REPS2: variants seen among roughly 807,000 people sequenced by gnomAD.
REPS2 encodes the protein RALBP1 associated Eps domain containing 2.
In REPS2, 23 loss-of-function variants were observed where a neutral mutation model predicts 53.6. That is an observed-to-expected ratio of 0.43 (90% confidence interval 0.31 to 0.61). The LOEUF (loss-of-function observed/expected upper bound fraction) is 0.61. REPS2 is among the 20% of genes least tolerant of loss of function. The pLI is 0.11. For missense variants in REPS2, 446 were observed against 534.9 expected (o/e 0.83, Z 1.64); for synonymous variants, 238 against 218.6 (o/e 1.09, Z -0.78).
intron 13 of REPS2, among the ~76,000 whole-genome samples, chrX:17,099,435 G>A (rs760063426): frequency 3.6e-5 from 4 of 111,457 alleles, no homozygotes; most frequent in Non-Finnish European, 7.5e-5. Flanking sequence ...TGTGCGTTGC[G>A]GAGATGCTCT....
At chrX:17,084,385 C>T (rs1207716558) in intron 13 of REPS2, among the ~76,000 whole-genome samples, 3 of 112,080 alleles carry the variant, frequency 2.7e-5, no homozygotes, top group African/African-American at 9.7e-5. Context: ...TTTGTGTAAA[C>T]ATATTTTTTC....
intron 5 of REPS2, among the ~76,000 whole-genome samples, chrX:17,041,050 T>C (rs968597999): frequency 1.8e-5 from 2 of 111,668 alleles, no homozygotes; most frequent in African/African-American, 6.5e-5. Context: ...TTCTCACTAA[T>C]ATAATAGTTT....
chrX:17,109,118 C>T (rs2062924922), intron 14 of REPS2, among the ~76,000 whole-genome samples: 1 of 111,062 alleles, frequency 9.0e-6, no homozygotes, highest in Admixed American at 9.6e-5. Flanking sequence ...GCCTCCTGCT[C>T]ACTTCCAGTT....
intron 14 of REPS2, among the ~76,000 whole-genome samples, chrX:17,126,030 G>C (rs1055789389): frequency 2.7e-5 from 3 of 112,212 alleles, no homozygotes; most frequent in African/African-American, 9.7e-5. Context: ...ACTGGAATCT[G>C]AGACATACTG....
chrX:16,985,524 C>A (rs1222032287), intron 1 of REPS2, among the ~76,000 whole-genome samples: 1 of 112,295 alleles, frequency 8.9e-6, no homozygotes, highest in Non-Finnish European at 1.9e-5. Context: ...CTTTTCCTGG[C>A]TTTATCTGTT....
chrX:17,050,155 T>C (rs1448470915), intron 6 of REPS2, among the ~76,000 whole-genome samples: 6 of 37,655 alleles, frequency 1.6e-4, no homozygotes, highest in African/African-American at 8.7e-4. Context: ...TCTTTCTTTC[T>C]TTCTTTCTTT....
At chrX:17,184,965 G>C in the REPS2 span, among the ~76,000 whole-genome samples, 1 of 111,192 alleles carries the variant, frequency 9.0e-6, no homozygotes, top group Non-Finnish European at 1.9e-5. Flanking sequence ...CAGTTTTATT[G>C]TGTAACAGAC....
intron 17 of REPS2, among the ~76,000 whole-genome samples, chrX:17,140,308 A>T (rs1569199850): frequency 2.7e-5 from 3 of 110,760 alleles, no homozygotes; most frequent in African/African-American, 9.9e-5. Flanking sequence ...AATGGCTTTT[A>T]TAACTGGTTT....
the REPS2 span, among the ~76,000 whole-genome samples, chrX:17,184,454 G>C: frequency 9.4e-6 from 1 of 106,007 alleles, no homozygotes; most frequent in African/African-American, 3.5e-5. Flanking sequence ...TTGGTTCCAA[G>C]TCTTTGCTAT....
At chrX:17,039,150 T>A (rs2061800905) in intron 5 of REPS2, among the ~76,000 whole-genome samples, 1 of 111,627 alleles carries the variant, frequency 9.0e-6, no homozygotes, top group Admixed American at 9.5e-5. Flanking sequence ...TTAATGGAAG[T>A]CTGCAGCCTT....
the REPS2 span, among the ~76,000 whole-genome samples, chrX:17,170,769 G>A: frequency 5.3e-5 from 6 of 112,781 alleles, no homozygotes; most frequent in African/African-American, 1.6e-4. Context: ...GGGAAATTCA[G>A]TGCCTGTCCA....
In REPS2 at chrX:17,101,275, G is replaced by A. The variant is rs771615458; in HGVS notation, c.1517-2443G>A. Among the ~76,000 whole-genome samples, 5 of 109,287 alleles carry A rather than the reference G, an allele frequency of 4.6e-5. No individual in the cohort carries two copies. In the East Asian group the frequency reaches 1.5e-3, roughly 32 times the overall value. The allele number at this position is 109,287 out of a possible 115,157, so 94.9% of individuals were successfully genotyped here. ...GATGGGGTTTCACTGTGTTAGCCAG[G>A]ATGGTCTCGATCTCCTGACCTCATG... is the stretch of plus-strand genomic sequence containing the variant. On this transcript the variant is annotated intron_variant, in intron 13 of 17. Transcript: ENST00000357277.
chrX:17,133,236 C>G (rs375431362), intron 14 of REPS2, among the ~76,000 whole-genome samples: 14 of 111,032 alleles, frequency 1.3e-4, no homozygotes, highest in African/African-American at 4.6e-4. Flanking sequence ...TGTGGTTTGT[C>G]CTTACTTTGG....
At chrX:16,972,578 A>G (rs1288523388) in intron 1 of REPS2, among the ~76,000 whole-genome samples, 1 of 111,600 alleles carries the variant, frequency 9.0e-6, no homozygotes, top group African/African-American at 3.3e-5. Flanking sequence ...CCCAGAGTCT[A>G]TTGTATAAAT....
At chrX:16,995,618 C>T (rs1479835796) in intron 1 of REPS2, among the ~76,000 whole-genome samples, 1 of 112,030 alleles carries the variant, frequency 8.9e-6, no homozygotes, top group Non-Finnish European at 1.9e-5. Context: ...ACACCCCAAC[C>T]AGATTAGAAA....
At chrX:16,971,795 T>C (rs1475305164) in intron 1 of REPS2, among the ~76,000 whole-genome samples, 1 of 112,492 alleles carries the variant, frequency 8.9e-6, no homozygotes, top group Non-Finnish European at 1.9e-5. Context: ...CCTAATGAAT[T>C]GTTTTGGAAC....
chrX:16,968,681 T>C (rs2060821444), intron 1 of REPS2, among the ~76,000 whole-genome samples: 1 of 91,438 alleles, frequency 1.1e-5, no homozygotes, highest in African/African-American at 4.1e-5. Flanking sequence ...ACGGGGCGGC[T>C]GGCCGGGCGG....
At chrX:17,082,996 G>A (rs1318182357) in intron 13 of REPS2, among the ~76,000 whole-genome samples, 10 of 109,725 alleles carry the variant, frequency 9.1e-5, no homozygotes, top group Admixed American at 4.9e-4. Context: ...TCTTCCCTAC[G>A]ATTCTGTATT....
chrX:17,164,404 T>G, the REPS2 span, among the ~76,000 whole-genome samples: 107 of 112,033 alleles, frequency 9.6e-4, no homozygotes, highest in African/African-American at 3.3e-3. Context: ...GAAAAAGATA[T>G]ATCATGAAAC....
Sources: allele counts gnomAD v4.1 joint callset (sites outside exome capture counted in the v4.1 genomes callset), GRCh38; gene constraint gnomAD v4.1.1; transcripts MANE v1.5; gene names NCBI Gene and HGNC (gene_info 2026-07-23, HGNC 2026-07-21).